TRIO: variants seen among roughly 807,000 people sequenced by gnomAD.
The protein encoded by TRIO is trio Rho guanine nucleotide exchange factor, also known as triple functional domain protein.
A neutral mutation model predicts 351.9 loss-of-function variants in TRIO; 58 were observed. That is an observed-to-expected ratio of 0.16 (90% CI 0.13 to 0.21). The LOEUF (loss-of-function observed/expected upper bound fraction) is 0.21. TRIO is among the 10% of genes least tolerant of loss of function. The probability of loss-of-function intolerance (pLI) is 1.00; values close to 1 mark genes in which losing one functional copy is unlikely to be tolerated. For missense variants in TRIO, 3,201 were observed against 4,027.8 expected, an observed-to-expected ratio of 0.79 and a Z score of 5.56; for synonymous variants, 1,758 against 1,595.7, an observed-to-expected ratio of 1.10 and a Z score of -2.42.
chr5:14,250,763 G>A (rs541488835), intron 1 of TRIO, among the ~76,000 whole-genome samples: 5 of 152,266 alleles, frequency 3.3e-5, no homozygotes, highest in East Asian at 1.9e-4. Flanking sequence ...GCCTTTCTCC[G>A]TGGTCACCAT....
intron 42 of TRIO, 21 bp from the exon 43 acceptor site, chr5:14,479,898 T>TTC (rs1162360162): frequency 1.3e-5 from 21 of 1,612,670 alleles, no homozygotes; most frequent in Non-Finnish European, 1.4e-5. Context: ...ATACGATCTT[T>TTC]TCTCTCTCTT....
At chr5:14,445,901 A>C (rs1433937327) in intron 34 of TRIO, among the ~76,000 whole-genome samples, 1 of 152,194 alleles carries the variant, frequency 6.6e-6, no homozygotes, top group Non-Finnish European at 1.5e-5. Flanking sequence ...GTTAAAAAGA[A>C]AGACAGCACA....
At chr5:14,171,010 T>C (rs1448888968) in intron 1 of TRIO, among the ~76,000 whole-genome samples, 1 of 152,196 alleles carries the variant, frequency 6.6e-6, no homozygotes, top group East Asian at 1.9e-4. Flanking sequence ...AACTTGACTC[T>C]GTTTTAGCAT....
chr5:14,472,360 C>G (rs574279661), intron 38 of TRIO, among the ~76,000 whole-genome samples: 1 of 152,284 alleles, frequency 6.6e-6, no homozygotes, highest in African/African-American at 2.4e-5. Flanking sequence ...TGAATTCACC[C>G]TGATTGCCCT....
intron 1 of TRIO, among the ~76,000 whole-genome samples, chr5:14,164,158 C>T (rs550740575): frequency 4.6e-5 from 7 of 152,258 alleles, no homozygotes; most frequent in South Asian, 2.1e-4. Flanking sequence ...GACACATTCA[C>T]GTGACTTAAA....
chr5:14,465,961 C>A, intron 37 of TRIO: 1 of 319,162 alleles, frequency 3.1e-6, no homozygotes, highest in Middle Eastern at 4.3e-4. Context: ...TGGAGTCAGG[C>A]AGACAGAGGA....
chr5:14,307,575 A>G (rs1738487866), intron 8 of TRIO, among the ~76,000 whole-genome samples: 2 of 152,206 alleles, frequency 1.3e-5, no homozygotes, highest in African/African-American at 4.8e-5. Context: ...GACAGAGGAT[A>G]CTGACCTCTC....
intron 40 of TRIO, 43 bp from the exon 41 acceptor site, chr5:14,476,851 G>T: frequency 1.3e-6 from 2 of 1,504,928 alleles, no homozygotes; most frequent in Non-Finnish European, 1.8e-6. Context: ...AAATTAGAAG[G>T]CCACACTGGA....
At chr5:14,417,506 G>T (rs367637036) in intron 33 of TRIO, among the ~76,000 whole-genome samples, 2 of 152,230 alleles carry the variant, frequency 1.3e-5, no homozygotes, top group Non-Finnish European at 2.9e-5. Flanking sequence ...GTGAGCCATC[G>T]GAGGATGTGC....
At chr5:14,203,045 G>T (rs1271168987) in intron 1 of TRIO, among the ~76,000 whole-genome samples, 1 of 152,050 alleles carries the variant, frequency 6.6e-6, no homozygotes, top group Non-Finnish European at 1.5e-5. Context: ...TTTTGTGGTG[G>T]TTCGTTTTGT....
intron 1 of TRIO, among the ~76,000 whole-genome samples, chr5:14,189,184 A>G (rs988375252): frequency 2.0e-5 from 3 of 152,146 alleles, no homozygotes; most frequent in South Asian, 2.1e-4. Context: ...AAATGTATCT[A>G]TATGTTATCC....
At chr5:14,170,509 T>TC (rs1491551907) in intron 1 of TRIO, among the ~76,000 whole-genome samples, 1 of 16,886 alleles carries the variant, frequency 5.9e-5, no homozygotes, top group Non-Finnish European at 9.8e-5. Context: ...CTTCTCTCTC[T>TC]TTTTTTTTTT....
At chr5:14,217,466 C>T (rs1016563415) in intron 1 of TRIO, among the ~76,000 whole-genome samples, 9 of 152,128 alleles carry the variant, frequency 5.9e-5, no homozygotes, top group Non-Finnish European at 1.0e-4. Flanking sequence ...CTGTCCCCCA[C>T]GAACCCAGGT....
intron 33 of TRIO, among the ~76,000 whole-genome samples, chr5:14,409,036 C>T (rs901789373): frequency 6.6e-6 from 1 of 152,072 alleles, no homozygotes; most frequent in South Asian, 2.1e-4. Context: ...GAAATGACCC[C>T]TCTATCCAGG....
intron 1 of TRIO, among the ~76,000 whole-genome samples, chr5:14,256,716 C>T (rs1795041084): frequency 6.6e-6 from 1 of 152,194 alleles, no homozygotes; most frequent in South Asian, 2.1e-4. Context: ...CACCAGGCCC[C>T]TTAGAAGTTA....
chr5:14,454,216 A>G (rs1753067901), intron 34 of TRIO, among the ~76,000 whole-genome samples: 1 of 152,298 alleles, frequency 6.6e-6, no homozygotes, highest in East Asian at 1.9e-4. Flanking sequence ...GGCGTGAGCC[A>G]CCGTGCCCTG....
rs1255296549 is a variant in TRIO, at chr5:14,289,346, C to T, written c.541-1370C>T. The stretch of plus-strand genomic sequence containing the variant: ...GTTGCAGTGAGCTGAGGTTGCACCA[C>T]TGCACTGCAGCATGGGCAACAAGAG... On this transcript the variant is annotated intron_variant, in intron 4 of 56. Transcript: ENST00000344204. Among the ~76,000 whole-genome samples the T allele has an allele frequency of 3.3e-5, 5 of 152,048 alleles. 1 individual carries two copies. The East Asian group carries it at 9.8e-4, about 30-fold the overall frequency.
intron 1 of TRIO, among the ~76,000 whole-genome samples, chr5:14,263,548 A>G (rs1477539843): frequency 6.6e-6 from 1 of 152,224 alleles, no homozygotes; most frequent in African/African-American, 2.4e-5. Flanking sequence ...ACAATGATTG[A>G]ATAGGGTTTC....
At chr5:14,420,156 T>C in intron 34 of TRIO, 135 bp downstream of exon 34, 1 of 1,344,306 alleles carries the variant, frequency 7.4e-7, no homozygotes, top group Non-Finnish European at 1.0e-6. Flanking sequence ...GGTCACTGAC[T>C]GTCCGGGCAT....
Sources: gnomAD v4.1 joint callset for allele counts (sites outside exome capture counted in the v4.1 genomes callset) on GRCh38, gnomAD v4.1.1 for gene constraint, MANE v1.5 for transcripts, NCBI Gene and HGNC (gene_info 2026-07-23, HGNC 2026-07-21) for gene names.